The following SLC24A2 variants were observed in gnomAD, a reference collection of about 807,000 sequenced individuals.
SLC24A2 encodes solute carrier family 24 member 2.
SLC24A2 carries 36 observed loss-of-function variants against 62.0 expected under a neutral mutation model. The observed-to-expected ratio is 0.58, with a 90% CI of 0.44 to 0.77. The LOEUF is 0.77. Ranked by LOEUF, SLC24A2 falls within the 30% of genes least tolerant of loss-of-function variation. SLC24A2 has a pLI of 0.00. For synonymous variants in SLC24A2, 358 were observed against 294.0 expected, an observed-to-expected ratio of 1.22 and a Z score of -2.23; for missense variants, 846 against 817.9, an observed-to-expected ratio of 1.03 and a Z score of -0.42.
intron 7 of SLC24A2, among the ~76,000 whole-genome samples, chr9:19,554,690 G>A (rs1834996303): frequency 6.6e-6 from 1 of 152,164 alleles, no homozygotes; most frequent in African/African-American, 2.4e-5. Flanking sequence ...TCTTTAAAGG[G>A]TGCGGATGCA....
chr9:19,902,642 G>C, the SLC24A2 span, among the ~76,000 whole-genome samples: 4 of 152,054 alleles, frequency 2.6e-5, no homozygotes, highest in Admixed American at 2.0e-4. Flanking sequence ...AGAGGATATT[G>C]AGTCATTTGC....
the SLC24A2 span, among the ~76,000 whole-genome samples, chr9:20,156,966 T>A: frequency 6.6e-6 from 1 of 151,752 alleles, no homozygotes; most frequent in Non-Finnish European, 1.5e-5. Context: ...GTGGTTATCC[T>A]GAGAAATTAT....
chr9:20,017,953 C>T, the SLC24A2 span, among the ~76,000 whole-genome samples: 1 of 152,092 alleles, frequency 6.6e-6, no homozygotes, highest in African/African-American at 2.4e-5. Context: ...ACTTTGCATC[C>T]TTTTCTTTTT....
At chr9:20,232,135 T>G in the SLC24A2 span, among the ~76,000 whole-genome samples, 24 of 152,220 alleles carry the variant, frequency 1.6e-4, no homozygotes, top group South Asian at 6.2e-4. Context: ...GATTTGGTTT[T>G]CCAGTATTTT....
intron 6 of SLC24A2, among the ~76,000 whole-genome samples, 159 bp downstream of exon 6, chr9:19,576,765 C>A (rs941637538): frequency 1.3e-5 from 2 of 152,152 alleles, no homozygotes; most frequent in African/African-American, 4.8e-5. Context: ...CCTGTACACA[C>A]TAGGGCAAGA....
the SLC24A2 span, among the ~76,000 whole-genome samples, chr9:19,996,141 G>C: frequency 6.7e-4 from 102 of 152,284 alleles, no homozygotes; most frequent in African/African-American, 2.4e-3. Context: ...GGGTAAAGTT[G>C]GGAAAGAAAT....
chr9:20,222,341 C>T, the SLC24A2 span, among the ~76,000 whole-genome samples: 10 of 151,606 alleles, frequency 6.6e-5, no homozygotes, highest in African/African-American at 2.4e-4. Flanking sequence ...TAGAAATAAA[C>T]TCAAATACAG....
At chr9:19,837,509 A>G in the SLC24A2 span, among the ~76,000 whole-genome samples, 248 of 146,804 alleles carry the variant, frequency 1.7e-3, no homozygotes, top group Middle Eastern at 6.9e-3. Context: ...AACTGGCACA[A>G]GACAGGGATG....
chr9:19,727,413 A>G (rs60307387), intron 2 of SLC24A2, among the ~76,000 whole-genome samples: 1 of 152,082 alleles, frequency 6.6e-6, no homozygotes. Flanking sequence ...TATCTTCCCT[A>G]ACTCATTTTT....
chr9:20,258,624 G>C, the SLC24A2 span, among the ~76,000 whole-genome samples: 2 of 152,194 alleles, frequency 1.3e-5, no homozygotes, highest in Admixed American at 6.5e-5. Flanking sequence ...GGGCCTTTCA[G>C]CCTTTGGCCT....
intron 10 of SLC24A2, among the ~76,000 whole-genome samples, chr9:19,519,202 A>G (rs1041829046): frequency 6.6e-6 from 1 of 152,238 alleles, no homozygotes; most frequent in African/African-American, 2.4e-5. Context: ...AGATTGCTTT[A>G]AAATGGAAAA....
intron 5 of SLC24A2, among the ~76,000 whole-genome samples, chr9:19,591,668 G>A (rs1172745822): frequency 6.6e-6 from 1 of 152,184 alleles, no homozygotes; most frequent in African/African-American, 2.4e-5. Flanking sequence ...ACCATGAGGT[G>A]CCCTTGAGGT....
At chr9:19,747,274 C>A (rs10964266) in intron 2 of SLC24A2, among the ~76,000 whole-genome samples, 2,706 of 152,130 alleles carry the variant, frequency 0.018, 35 homozygotes, top group South Asian at 0.029. Context: ...ATCTATCATT[C>A]CCATGTACTT....
chr9:20,048,822 G>A, the SLC24A2 span, among the ~76,000 whole-genome samples: 1 of 151,600 alleles, frequency 6.6e-6, no homozygotes, highest in Non-Finnish European at 1.5e-5. Flanking sequence ...AATCTTCCCA[G>A]AAAAATTTAG....
rs1832653336 is a variant in SLC24A2, at chr9:19,509,913, T to C, written c.*6240A>G. 4.6e-5 allele frequency: 7 copies of C among 152,210 alleles called. No homozygotes were observed. The highest frequency in any genetic ancestry group is 1.7e-4 in the African/African-American group (7 of 41,454). 9.4% of individuals were successfully genotyped at this position (152,210 alleles called of 1,614,324 possible). A position where few individuals can be genotyped will look rare whatever the true frequency, so the allele number is the denominator to read the frequency against. On this transcript the variant is annotated 3_prime_UTR_variant, in exon 11 of 11. Transcript: ENST00000341998. Reference sequence around the variant, plus strand: ...GGCCCATGAGATCAATCAGTAGCTTTACAAATCCTATCCAACCTACCACAC... The same window carrying C: ...GGCCCATGAGATCAATCAGTAGCTTCACAAATCCTATCCAACCTACCACAC...
At chr9:20,094,724 T>C in the SLC24A2 span, among the ~76,000 whole-genome samples, 1 of 152,146 alleles carries the variant, frequency 6.6e-6, no homozygotes, top group African/African-American at 2.4e-5. Flanking sequence ...TAAAAAAAAT[T>C]TGTATAACTA....
At chr9:20,241,792 G>C in the SLC24A2 span, among the ~76,000 whole-genome samples, 1 of 152,032 alleles carries the variant, frequency 6.6e-6, no homozygotes, top group African/African-American at 2.4e-5. Flanking sequence ...CTGGGAAGAT[G>C]ATCAACCCGG....
In SLC24A2 at chr9:19,518,637, G is replaced by C. The variant is rs897158801; in HGVS notation, c.1737-2235C>G. Reference sequence around the variant, plus strand: ...GGTTTGCACCATCTGGGCCAGGATGGTCTCAATCTCTTGACCTTGTGATCC... The same window carrying C: ...GGTTTGCACCATCTGGGCCAGGATGCTCTCAATCTCTTGACCTTGTGATCC... On this transcript the variant is annotated intron_variant, in intron 10 of 10. Coordinates refer to ENST00000341998, the MANE Select transcript of SLC24A2 (RefSeq NM_020344.4). Among the ~76,000 whole-genome samples, 5 of 152,138 alleles carry C rather than the reference G, an allele frequency of 3.3e-5. No homozygotes were observed. The East Asian group carries it at 5.8e-4, about 18-fold the overall frequency.
the SLC24A2 span, among the ~76,000 whole-genome samples, chr9:20,212,659 A>G: frequency 6.6e-6 from 1 of 151,262 alleles, no homozygotes; most frequent in East Asian, 1.9e-4. Flanking sequence ...GAAATAAGAG[A>G]GCTGAAAGAT....
Sources: gnomAD v4.1 joint callset for allele counts (sites outside exome capture counted in the v4.1 genomes callset) on GRCh38, gnomAD v4.1.1 for gene constraint, MANE v1.5 for transcripts, NCBI Gene and HGNC (gene_info 2026-07-23, HGNC 2026-07-21) for gene names.